The following ATE1 variants were observed in gnomAD, a reference collection of about 807,000 sequenced individuals.
ATE1 encodes arginyltransferase 1.
In ATE1, 36 loss-of-function variants were observed where a neutral mutation model predicts 70.5. That is an observed-to-expected ratio of 0.51 (90% CI 0.39 to 0.67). The LOEUF is 0.67. Among genes scored for constraint, ATE1 ranks in the 30% least tolerant of loss-of-function variants. ATE1 has a pLI of 0.00. For missense variants in ATE1, 593 were observed against 629.5 expected (o/e 0.94, Z 0.62); for synonymous variants, 232 against 219.3 (o/e 1.06, Z -0.51).
intron 10 of ATE1, among the ~76,000 whole-genome samples, chr10:121,823,171 T>C (rs1479477738): frequency 6.6e-6 from 1 of 151,898 alleles, no homozygotes; most frequent in East Asian, 1.9e-4. Flanking sequence ...GCGCCTTTAG[T>C]CCCAGCTACT....
intron 7 of ATE1, among the ~76,000 whole-genome samples, chr10:121,890,027 C>G (rs188336163): frequency 6.6e-6 from 1 of 152,088 alleles, no homozygotes; most frequent in East Asian, 1.9e-4. Context: ...ATAAAGTAAA[C>G]CTAACAAAGT....
At chr10:121,899,759 T>C (rs1470246931) in intron 7 of ATE1, 107 bp downstream of exon 7, 5 of 1,473,614 alleles carry the variant, frequency 3.4e-6, no homozygotes, top group Admixed American at 2.2e-5. Context: ...ATGCTGCAAA[T>C]TGAACACAAA....
intron 7 of ATE1, chr10:121,898,823 A>G (rs1386892889): frequency 6.2e-7 from 1 of 1,612,334 alleles, no homozygotes; most frequent in Admixed American, 1.7e-5. Flanking sequence ...CAACACAGAA[A>G]ACAACAGTTA....
chr10:121,892,983 A>G (rs1300456346), intron 7 of ATE1, among the ~76,000 whole-genome samples: 1 of 152,184 alleles, frequency 6.6e-6, no homozygotes, highest in African/African-American at 2.4e-5. Context: ...TCACTGACTT[A>G]AAAAGCAATT....
At chr10:121,848,644 C>T (rs568527713) in intron 8 of ATE1, among the ~76,000 whole-genome samples, 1 of 147,550 alleles carries the variant, frequency 6.8e-6, no homozygotes, top group Non-Finnish European at 1.5e-5. Flanking sequence ...GGTGCGGTGG[C>T]TCATGCCTGT....
chr10:121,842,208 T>C (rs1235483128), intron 8 of ATE1, among the ~76,000 whole-genome samples: 12 of 152,206 alleles, frequency 7.9e-5, no homozygotes, highest in Non-Finnish European at 1.8e-4. Context: ...AGGAAAAATC[T>C]AGAGATTTCA....
chr10:121,863,346 C>T (rs1052252542), intron 8 of ATE1, among the ~76,000 whole-genome samples: 11 of 151,100 alleles, frequency 7.3e-5, no homozygotes, highest in African/African-American at 2.2e-4. Flanking sequence ...CTCCGCCTCC[C>T]GGGTTCAAGC....
intron 10 of ATE1, among the ~76,000 whole-genome samples, chr10:121,822,291 T>C (rs1393901919): frequency 6.6e-6 from 1 of 152,184 alleles, no homozygotes; most frequent in East Asian, 1.9e-4. Flanking sequence ...AAAAACAAAG[T>C]ACATTGAATG....
At chr10:121,859,417 C>A (rs1200558696) in intron 8 of ATE1, among the ~76,000 whole-genome samples, 1 of 151,504 alleles carries the variant, frequency 6.6e-6, no homozygotes, top group Non-Finnish European at 1.5e-5. Flanking sequence ...CCACTACGCC[C>A]GGCTAATTTT....
Position 121,748,431 on chromosome 10 carries a change from T to C in ATE1, c.1379-4573A>G, listed in dbSNP as rs540371962. On this transcript the variant is annotated intron_variant, in intron 11 of 11. Coordinates refer to ENST00000224652, the MANE Select transcript of ATE1 (RefSeq NM_001001976.3). ...TGTCAAAATATAGACTTCCATTCTA[T>C]TTATTGAGATCACATGAAAAAGCTA... 5.9e-5 allele frequency among the ~76,000 whole-genome samples: 9 copies of C among 151,640 alleles called. No individual in the cohort carries two copies. The East Asian group carries it at 1.4e-3, about 23-fold the overall frequency.
chr10:121,864,715 A>G (rs1271775145), intron 8 of ATE1, among the ~76,000 whole-genome samples: 1 of 152,124 alleles, frequency 6.6e-6, no homozygotes, highest in African/African-American at 2.4e-5. Flanking sequence ...TTATCATTAA[A>G]TTGGCTTATT....
intron 11 of ATE1, among the ~76,000 whole-genome samples, chr10:121,779,042 G>A (rs1218165829): frequency 6.6e-6 from 1 of 152,064 alleles, no homozygotes; most frequent in African/African-American, 2.4e-5. Flanking sequence ...AGTAAAATCA[G>A]ACACTCGCTC....
chr10:121,901,777 TG>T (rs1324397704), intron 6 of ATE1, among the ~76,000 whole-genome samples: 1 of 152,174 alleles, frequency 6.6e-6, no homozygotes, highest in Non-Finnish European at 1.5e-5. Flanking sequence ...ATTTTATATA[TG>T]AGAAACTAAT....
chr10:121,834,853 T>A (rs930704453), intron 10 of ATE1, among the ~76,000 whole-genome samples: 1 of 152,186 alleles, frequency 6.6e-6, no homozygotes, highest in African/African-American at 2.4e-5. Context: ...GTGAAATCTG[T>A]GCAAGTCCTT....
At chr10:121,792,812 A>T (rs901031975) in intron 10 of ATE1, among the ~76,000 whole-genome samples, 18 of 152,206 alleles carry the variant, frequency 1.2e-4, no homozygotes, top group Admixed American at 2.6e-4. Context: ...GGCTAAATAT[A>T]AAAGCTAAAG....
chr10:121,805,677 C>T (rs1001191414), intron 10 of ATE1, among the ~76,000 whole-genome samples: 13 of 152,090 alleles, frequency 8.5e-5, no homozygotes, highest in Non-Finnish European at 4.4e-5. Context: ...TAAAAGAATG[C>T]ATACATATTT....
At chr10:121,897,167 A>T (rs1339743211) in intron 7 of ATE1, among the ~76,000 whole-genome samples, 1 of 152,194 alleles carries the variant, frequency 6.6e-6, no homozygotes, top group East Asian at 1.9e-4. Context: ...ACCCCAATTC[A>T]GACTATGAAT....
chr10:121,775,834 T>C (rs1331026143), intron 11 of ATE1, among the ~76,000 whole-genome samples: 3 of 152,174 alleles, frequency 2.0e-5, no homozygotes, highest in Admixed American at 2.0e-4. Context: ...CCTGGATGCA[T>C]CTATCTGTCA....
At chr10:121,923,046 A>G (rs1951943887) in intron 2 of ATE1, among the ~76,000 whole-genome samples, 1 of 152,126 alleles carries the variant, frequency 6.6e-6, no homozygotes, top group African/African-American at 2.4e-5. Context: ...TGGATAGCGC[A>G]ATAACCTTTG....
Sources: gnomAD v4.1 joint callset for allele counts (sites outside exome capture counted in the v4.1 genomes callset) on GRCh38, gnomAD v4.1.1 for gene constraint, MANE v1.5 for transcripts, NCBI Gene and HGNC (gene_info 2026-07-23, HGNC 2026-07-21) for gene names.